The following ST3GAL5 variants were observed in gnomAD, a reference collection of about 807,000 sequenced individuals.
ST3GAL5 encodes the protein lactosylceramide alpha-2,3-sialyltransferase.
Under a neutral mutation model 46.1 loss-of-function variants are expected in ST3GAL5, and 25 were observed. The observed-to-expected ratio is 0.54, with a 90% CI of 0.40 to 0.76. The LOEUF (loss-of-function observed/expected upper bound fraction) is 0.76. Among genes scored for constraint, ST3GAL5 ranks in the 30% least tolerant of loss-of-function variants. ST3GAL5 has a pLI of 0.00. For synonymous variants in ST3GAL5, 182 were observed against 192.7 expected, an observed-to-expected ratio of 0.94 and a Z score of 0.46; for missense variants, 431 against 521.2, an observed-to-expected ratio of 0.83 and a Z score of 1.69.
At chr2:85,862,671 C>T (rs1286579513) in intron 2 of ST3GAL5, among the ~76,000 whole-genome samples, 6 of 152,260 alleles carry the variant, frequency 3.9e-5, no homozygotes, top group South Asian at 4.1e-4. Flanking sequence ...ACGTCATGAA[C>T]GTGGTGGGCC....
intron 3 of ST3GAL5, among the ~76,000 whole-genome samples, chr2:85,852,386 T>G (rs1683613066): frequency 6.6e-6 from 1 of 152,182 alleles, no homozygotes; most frequent in Admixed American, 6.5e-5. Context: ...GCCCAGTACC[T>G]GGCATGTGTG....
chr2:85,849,855 A>AGTGTGTGTGTGTGTGTGT (rs3046619), intron 3 of ST3GAL5: 1 of 147,248 alleles, frequency 6.8e-6, no homozygotes. Context: ...CACAGGCAGA[A>AGTGTGTGTGTGTGTGTGT]GTGTGTGTGT....
chr2:85,846,349 C>T, intron 5 of ST3GAL5, 28 bp downstream of exon 5: 1 of 1,607,786 alleles, frequency 6.2e-7, no homozygotes, highest in South Asian at 1.1e-5. Context: ...TTTACTAAGG[C>T]AGATTTAATA....
At chr2:85,871,413 A>G (rs1040163822) in intron 1 of ST3GAL5, among the ~76,000 whole-genome samples, 5 of 152,260 alleles carry the variant, frequency 3.3e-5, no homozygotes, top group Admixed American at 6.5e-5. Context: ...ATGAAGAAAT[A>G]TAAGGGCAAA....
intron 3 of ST3GAL5, chr2:85,851,495 A>G (rs1683500091): frequency 7.8e-7 from 1 of 1,283,100 alleles, no homozygotes; most frequent in African/African-American, 1.5e-5. Context: ...CACATGGGCC[A>G]TGTCCTCCAC....
At chr2:85,875,388 G>T (rs1323349558) in intron 1 of ST3GAL5, 3 of 118,858 alleles carry the variant, frequency 2.5e-5, no homozygotes, top group South Asian at 2.6e-4. Context: ...TTTTTAAAGA[G>T]AAGAGCAAAG....
At chr2:85,887,262 C>G (rs1268687856) in intron 1 of ST3GAL5, 1 of 152,180 alleles carries the variant, frequency 6.6e-6, no homozygotes, top group Non-Finnish European at 1.5e-5. Flanking sequence ...ACGTTCATCA[C>G]CAATCTATTT....
chr2:85,858,138 T>C (rs1684350363), intron 3 of ST3GAL5: 1 of 152,222 alleles, frequency 6.6e-6, no homozygotes, highest in Non-Finnish European at 1.5e-5. Flanking sequence ...GCCTACCGTT[T>C]GAGACAACTC....
intron 3 of ST3GAL5, chr2:85,850,734 G>C (rs1683395497): frequency 6.6e-6 from 1 of 152,198 alleles, no homozygotes; most frequent in Non-Finnish European, 1.5e-5. Context: ...AGTGGCAAGA[G>C]GGACCCGGAG....
At chr2:85,855,048 C>CTTGG (rs1187113129) in intron 3 of ST3GAL5, 3 of 152,304 alleles carry the variant, frequency 2.0e-5, no homozygotes, top group Admixed American at 2.0e-4. Context: ...TGGAGAACAA[C>CTTGG]ATGCAAAAGG....
intron 3 of ST3GAL5, chr2:85,856,145 C>A (rs940889061): frequency 1.3e-5 from 2 of 152,168 alleles, no homozygotes; most frequent in African/African-American, 4.8e-5. Context: ...TACACATGTT[C>A]ACAGCAGCAT....
At chr2:85,844,059 A>G (rs1682465745) in intron 6 of ST3GAL5, among the ~76,000 whole-genome samples, 1 of 152,222 alleles carries the variant, frequency 6.6e-6, no homozygotes, top group Non-Finnish European at 1.5e-5. Flanking sequence ...AAAATTAAAA[A>G]ATAAAATGTA....
chr2:85,868,916 GCCGGCAATTATACTTTTAA>G (rs952010658), intron 1 of ST3GAL5, among the ~76,000 whole-genome samples: 6 of 152,172 alleles, frequency 3.9e-5, no homozygotes, highest in Non-Finnish European at 7.4e-5. Context: ...ACCGCACCCA[GCCGGCAATTATACTTTTAA>G]CCAACAAAAA....
chr2:85,878,099 C>T (rs530359988), intron 1 of ST3GAL5, among the ~76,000 whole-genome samples: 119 of 152,318 alleles, frequency 7.8e-4, no homozygotes, highest in African/African-American at 2.7e-3. Context: ...CTGCACGGCT[C>T]AGCTTGGTGA....
Position 85,846,467 on chromosome 2 carries a change from A to G in ST3GAL5, c.759T>C (p.Leu253=). Residue 253 remains leucine (L), a synonymous_variant, in exon 5 of 7, where the codon CTT becomes CTC. Transcript: ENST00000638572. The part of the protein sequence containing the change: ...TYPEGAPLSD[L]EYYSNDLFVA... ...CAAATAAGTCATTGGAATAATATTC[A>G]AGGTCAGACAGTGGTGCGCCCTCTG... 2 of 1,614,232 alleles carry G rather than the reference A, an allele frequency of 1.2e-6. No individual in the cohort carries two copies. The highest frequency in any genetic ancestry group is 1.7e-6 in the Non-Finnish European group (2 of 1,180,036).
intron 3 of ST3GAL5, among the ~76,000 whole-genome samples, chr2:85,857,785 T>C (rs1415962391): frequency 4.6e-5 from 7 of 152,106 alleles, no homozygotes; most frequent in African/African-American, 1.4e-4. Context: ...TAGATTCAAA[T>C]TGTAGAACAC....
At chr2:85,873,152 GCA>G (rs1686141137) in intron 1 of ST3GAL5, among the ~76,000 whole-genome samples, 1 of 152,124 alleles carries the variant, frequency 6.6e-6, no homozygotes, top group South Asian at 2.1e-4. Flanking sequence ...CCCCTTCTCT[GCA>G]CATCTGCCTT....
At chr2:85,860,690 T>C (rs760874503) in intron 3 of ST3GAL5, among the ~76,000 whole-genome samples, 2 of 151,916 alleles carry the variant, frequency 1.3e-5, no homozygotes, top group Non-Finnish European at 2.9e-5. Flanking sequence ...CTGGGCAACA[T>C]GGCAAGACCC....
At chr2:85,864,937 C>T (rs552679196) in intron 1 of ST3GAL5, among the ~76,000 whole-genome samples, 2 of 152,204 alleles carry the variant, frequency 1.3e-5, no homozygotes, top group Non-Finnish European at 2.9e-5. Context: ...CATACTCTGG[C>T]TTCTCCTGTA....
Sources: gnomAD v4.1 joint callset for allele counts (sites outside exome capture counted in the v4.1 genomes callset) on GRCh38, gnomAD v4.1.1 for gene constraint, MANE v1.5 for transcripts, NCBI Gene and HGNC (gene_info 2026-07-23, HGNC 2026-07-21) for gene names.